The following RERG variants were observed in gnomAD, a reference collection of about 807,000 sequenced individuals.
RERG encodes the protein RAS like estrogen regulated growth inhibitor, also known as ras-related and estrogen-regulated growth inhibitor.
RERG carries 25 observed loss-of-function variants against 23.2 expected under a neutral mutation model. That is an observed-to-expected ratio of 1.08 (90% CI 0.79 to 1.50). The LOEUF is 1.50. Among genes scored for constraint, RERG ranks in the 40% most tolerant of loss-of-function variants. RERG has a pLI of 0.00. For missense variants in RERG, 253 were observed against 250.1 expected, an observed-to-expected ratio of 1.01 and a Z score of -0.08; for synonymous variants, 81 against 89.1, an observed-to-expected ratio of 0.91 and a Z score of 0.51.
chr12:15,155,739 C>T lies in RERG; in HGVS notation c.62-34620G>A, dbSNP rs1454369860. Among the ~76,000 whole-genome samples the T allele has an allele frequency of 2.0e-5, 3 of 152,140 alleles. 1 individual carries two copies. Among genetic ancestry groups the T allele is most frequent in the Admixed American group, 2.0e-4 (3 of 15,274 alleles). ...CAGGGCCCCCAGGGGACTCTGAAAA[C>T]AGCCAGTTGTTAAGCAAGGGTATTC... On this transcript the variant is annotated intron_variant, in intron 2 of 4. Coordinates refer to ENST00000256953, the MANE Select transcript of RERG (RefSeq NM_032918.3).
intron 3 of RERG, among the ~76,000 whole-genome samples, chr12:15,112,197 T>C (rs1159869928): frequency 1.3e-5 from 2 of 152,178 alleles, no homozygotes; most frequent in East Asian, 1.9e-4. Flanking sequence ...ACCTCAGCTC[T>C]GGAAATGTAA....
chr12:15,215,194 G>A (rs1387044079), intron 2 of RERG, among the ~76,000 whole-genome samples: 2 of 152,212 alleles, frequency 1.3e-5, no homozygotes, highest in Admixed American at 6.5e-5. Flanking sequence ...ATTTCAACCT[G>A]TGCATTTTAC....
intron 2 of RERG, among the ~76,000 whole-genome samples, chr12:15,199,672 T>TACAG (rs1865190929): frequency 6.6e-6 from 1 of 151,988 alleles, no homozygotes; most frequent in Admixed American, 6.6e-5. Context: ...TACATATAGA[T>TACAG]ACAGACACAC....
At chr12:15,121,254 A>AT in intron 2 of RERG, 135 bp from the exon 3 acceptor site, 4 of 643,158 alleles carry the variant, frequency 6.2e-6, no homozygotes, top group South Asian at 4.6e-5. Flanking sequence ...AAACAAATAA[A>AT]TTTTTTTATG....
At position 15,165,013 on chromosome 12, in the gene RERG, C is replaced by A. The variant is rs542779433; in HGVS notation, c.62-43894G>T. Among the ~76,000 whole-genome samples, 6 of 152,324 alleles carry A rather than the reference C, an allele frequency of 3.9e-5. No homozygotes were observed. The East Asian group carries it at 1.2e-3, about 29-fold the overall frequency. On this transcript the variant is annotated intron_variant, in intron 2 of 4. Transcript: ENST00000256953. ...TGTGCTCTCTCTTTGAGGTCTCAAACAGCTCCTCCAGAGCAGACTCAGAGC... is the reference window on the plus strand; with the variant it reads ...TGTGCTCTCTCTTTGAGGTCTCAAAAAGCTCCTCCAGAGCAGACTCAGAGC...
chr12:15,160,365 A>C (rs946548798), intron 2 of RERG, among the ~76,000 whole-genome samples: 1 of 152,184 alleles, frequency 6.6e-6, no homozygotes, highest in Non-Finnish European at 1.5e-5. Context: ...GCAGGTGCAA[A>C]GCATCTCAGG....
At chr12:15,195,318 C>T (rs1323640952) in intron 2 of RERG, among the ~76,000 whole-genome samples, 7 of 152,164 alleles carry the variant, frequency 4.6e-5, no homozygotes, top group Middle Eastern at 3.4e-3. Flanking sequence ...ATCCTGCCTC[C>T]CCTTTCCACC....
At chr12:15,142,741 G>C (rs753171291) in intron 2 of RERG, among the ~76,000 whole-genome samples, 30 of 152,004 alleles carry the variant, frequency 2.0e-4, no homozygotes, top group Non-Finnish European at 3.7e-4. Flanking sequence ...TGTAACACCA[G>C]TCTCCCTCAT....
chr12:15,171,490 G>A (rs1864777382), intron 2 of RERG, among the ~76,000 whole-genome samples: 1 of 152,162 alleles, frequency 6.6e-6, no homozygotes, highest in Non-Finnish European at 1.5e-5. Context: ...TGCCAGCTGA[G>A]GAGGTGGGAG....
intron 2 of RERG, among the ~76,000 whole-genome samples, chr12:15,164,492 T>C (rs1864658166): frequency 6.6e-6 from 1 of 152,214 alleles, no homozygotes; most frequent in Non-Finnish European, 1.5e-5. Context: ...CGAAAAGGAT[T>C]GATCATCTGG....
Position 15,108,549 on chromosome 12 carries a change from G to GA in RERG, c.*560dup, listed in dbSNP as rs1404877249. 1 of 152,572 alleles carries GA rather than the reference G, an allele frequency of 6.6e-6. No homozygotes were observed. The highest frequency in any genetic ancestry group is 1.5e-5 in the Non-Finnish European group (1 of 68,024). 9.5% of individuals were successfully genotyped at this position (152,572 alleles called of 1,614,324 possible). On this transcript the variant is annotated 3_prime_UTR_variant, in exon 5 of 5. Coordinates refer to ENST00000256953, the MANE Select transcript of RERG (RefSeq NM_032918.3). ...ATTGAAATGAATTCTCTGTTATAGT[G>GA]AAAAACATTAGTGAGAAGATGCTTG... is the stretch of plus-strand genomic sequence containing the variant.
intron 2 of RERG, among the ~76,000 whole-genome samples, chr12:15,188,224 A>G (rs1279945210): frequency 1.3e-5 from 2 of 152,124 alleles, no homozygotes; most frequent in Non-Finnish European, 1.5e-5. Flanking sequence ...TTTCTTTCTC[A>G]CATGGTTGCC....
intron 2 of RERG, among the ~76,000 whole-genome samples, chr12:15,182,679 CAAAGT>C (rs1345354739): frequency 7.9e-5 from 12 of 152,216 alleles, no homozygotes; most frequent in African/African-American, 1.2e-4. Flanking sequence ...AGAATGACAT[CAAAGT>C]AAAGTGATAT....
At chr12:15,115,506 T>G (rs1380818819) in intron 3 of RERG, among the ~76,000 whole-genome samples, 1 of 152,120 alleles carries the variant, frequency 6.6e-6, no homozygotes, top group Non-Finnish European at 1.5e-5. Flanking sequence ...GAAAGAGGAA[T>G]AATATAAGGC....
At chr12:15,111,919 G>T (rs1001706617) in intron 3 of RERG, among the ~76,000 whole-genome samples, 6 of 151,942 alleles carry the variant, frequency 3.9e-5, no homozygotes, top group African/African-American at 1.5e-4. Flanking sequence ...TAAGTGATCC[G>T]CCTGCCTTGG....
intron 2 of RERG, among the ~76,000 whole-genome samples, chr12:15,153,546 A>C (rs1864475963): frequency 6.6e-6 from 1 of 152,234 alleles, no homozygotes; most frequent in Admixed American, 6.5e-5. Context: ...ATTTATAAGG[A>C]ACTAGAGAAC....
At chr12:15,117,779 G>A (rs1863755657) in intron 3 of RERG, among the ~76,000 whole-genome samples, 1 of 151,954 alleles carries the variant, frequency 6.6e-6, no homozygotes, top group African/African-American at 2.4e-5. Context: ...AGGGTAATAT[G>A]ACTCTTGGAG....
intron 2 of RERG, among the ~76,000 whole-genome samples, chr12:15,195,961 G>C (rs1865138288): frequency 6.6e-6 from 1 of 152,112 alleles, no homozygotes; most frequent in Non-Finnish European, 1.5e-5. Context: ...ATACGTGGAA[G>C]GGACATAGGT....
intron 2 of RERG, among the ~76,000 whole-genome samples, chr12:15,135,262 GTAT>G (rs1864124748): frequency 6.6e-6 from 1 of 152,120 alleles, no homozygotes; most frequent in Non-Finnish European, 1.5e-5. Context: ...TGATTGACCT[GTAT>G]CCTGTAATCT....
Sources: gnomAD v4.1 joint callset for allele counts (sites outside exome capture counted in the v4.1 genomes callset) on GRCh38, gnomAD v4.1.1 for gene constraint, MANE v1.5 for transcripts, NCBI Gene and HGNC (gene_info 2026-07-23, HGNC 2026-07-21) for gene names.